The following RARB variants were observed in gnomAD, a reference collection of about 807,000 sequenced individuals.
The protein encoded by RARB is HBV-activated protein.
RARB carries 17 observed loss-of-function variants against 51.9 expected under a neutral mutation model. The ratio of observed to expected loss-of-function variants is 0.33; its 90% CI spans 0.22 to 0.49. The LOEUF is 0.49. RARB is among the 20% of genes least tolerant of loss of function. The pLI is 0.99. For synonymous variants in RARB, 215 were observed against 195.4 expected (o/e 1.10, Z -0.84); for missense variants, 369 against 550.8 (o/e 0.67, Z 3.30).
At chr3:25,179,232 G>T (rs2125356220) in intron 5 of RARB, among the ~76,000 whole-genome samples, 1 of 152,288 alleles carries the variant, frequency 6.6e-6, no homozygotes, top group African/African-American at 2.4e-5. Flanking sequence ...CTTGTCTAAA[G>T]CAGGGTGTGC....
intron 5 of RARB, among the ~76,000 whole-genome samples, chr3:25,216,057 A>T (rs1379813881): frequency 1.3e-5 from 2 of 152,198 alleles, no homozygotes. Context: ...TGCTTGAAGC[A>T]GTCAGAGAGG....
chr3:24,907,954 T>C (rs1375741650), intron 2 of RARB, among the ~76,000 whole-genome samples: 1 of 152,142 alleles, frequency 6.6e-6, no homozygotes, highest in African/African-American at 2.4e-5. Context: ...TTTGGAAATG[T>C]TCCCCCTGCA....
chr3:24,890,513 C>A (rs1020481220), intron 2 of RARB, among the ~76,000 whole-genome samples: 1 of 151,950 alleles, frequency 6.6e-6, no homozygotes, highest in Admixed American at 6.6e-5. Context: ...AGTTGAGAGG[C>A]CAAGGCAGGA....
intron 5 of RARB, among the ~76,000 whole-genome samples, chr3:25,292,015 A>G (rs146765676): frequency 9.9e-5 from 15 of 151,828 alleles, no homozygotes; most frequent in Admixed American, 2.6e-4. Context: ...TGTTTCTAAC[A>G]TGTGAGAAGG....
rs1559349123 is a variant in RARB at position 25,299,760 on chromosome 3, A to AAATAAAT, written c.178+125187_178+125188insTAAATAA. Among the ~76,000 whole-genome samples the AAATAAAT allele has an allele frequency of 1.2e-3, 180 of 150,984 alleles. 2 individuals are homozygous for AAATAAAT. The highest frequency in any genetic ancestry group is 0.01 in the Middle Eastern group (3 of 294). ...TACTAAAAGGTCTGTGGCACCAAAA[A>AAATAAAT]AAATAAATAAATAAATAAATAAGTT... is the stretch of plus-strand genomic sequence containing the variant. On this transcript the variant is annotated intron_variant, in intron 5 of 11. Coordinates refer to the RARB transcript ENST00000383772.
At chr3:25,090,368 A>G (rs969320741) in intron 3 of RARB, among the ~76,000 whole-genome samples, 3 of 152,166 alleles carry the variant, frequency 2.0e-5, no homozygotes, top group South Asian at 2.1e-4. Context: ...CATTTCAAAA[A>G]CAATGTTAAC....
chr3:24,985,644 G>A (rs1046617456), intron 2 of RARB, among the ~76,000 whole-genome samples: 2 of 152,122 alleles, frequency 1.3e-5, no homozygotes, highest in Non-Finnish European at 2.9e-5. Flanking sequence ...TTGCCATTTG[G>A]AAAAAGGGGG....
intron 5 of RARB, among the ~76,000 whole-genome samples, chr3:25,349,578 T>C (rs1021752141): frequency 6.6e-6 from 1 of 152,186 alleles, no homozygotes; most frequent in African/African-American, 2.4e-5. Flanking sequence ...GTATTTTTCC[T>C]GTATTTGAGA....
intron 2 of RARB, among the ~76,000 whole-genome samples, chr3:25,487,917 G>C (rs547355095): frequency 1.3e-5 from 2 of 152,320 alleles, no homozygotes; most frequent in African/African-American, 4.8e-5. Flanking sequence ...ATTAATACAT[G>C]AAGCTTTATA....
intron 1 of RARB, among the ~76,000 whole-genome samples, chr3:25,455,851 G>A (rs1007311059): frequency 6.6e-6 from 1 of 152,222 alleles, no homozygotes. Flanking sequence ...ACAGAACTGA[G>A]TAAGTCCATA....
intron 5 of RARB, among the ~76,000 whole-genome samples, chr3:25,290,226 G>A (rs1703753396): frequency 6.6e-6 from 1 of 152,142 alleles, no homozygotes; most frequent in Non-Finnish European, 1.5e-5. Flanking sequence ...TGGAAATATG[G>A]TCTTTAAAGA....
chr3:24,980,145 C>G (rs12632864), intron 2 of RARB, among the ~76,000 whole-genome samples: 35,163 of 151,986 alleles, frequency 0.23, 4,294 homozygotes, highest in East Asian at 0.38. Context: ...TCTGCTGTTA[C>G]ACTGATGAGC....
chr3:24,962,181 G>A (rs1053063263), intron 2 of RARB, among the ~76,000 whole-genome samples: 5 of 151,440 alleles, frequency 3.3e-5, no homozygotes, highest in East Asian at 3.9e-4. Flanking sequence ...TGCCTGCCTC[G>A]GCCTCCTAAA....
intron 3 of RARB, among the ~76,000 whole-genome samples, chr3:25,082,260 A>G (rs1287715006): frequency 6.6e-6 from 1 of 152,018 alleles, no homozygotes; most frequent in Non-Finnish European, 1.5e-5. Context: ...TATATGTTAT[A>G]TTTATATAAG....
intron 5 of RARB, among the ~76,000 whole-genome samples, chr3:25,220,946 A>G (rs1701934997): frequency 6.6e-6 from 1 of 152,126 alleles, no homozygotes; most frequent in Non-Finnish European, 1.5e-5. Context: ...AGCACTTGCA[A>G]AAGTGTAAAG....
intron 3 of RARB, among the ~76,000 whole-genome samples, chr3:25,084,038 TCA>T (rs893447459): frequency 6.6e-6 from 1 of 152,190 alleles, no homozygotes; most frequent in African/African-American, 2.4e-5. Context: ...CAGAGTTCTC[TCA>T]GTCTCATCCT....
intron 5 of RARB, among the ~76,000 whole-genome samples, chr3:25,332,350 G>A (rs1468978678): frequency 6.6e-6 from 1 of 152,154 alleles, no homozygotes; most frequent in Non-Finnish European, 1.5e-5. Flanking sequence ...CTTCATCCCT[G>A]GGATGCAAGG....
chr3:25,466,105 T>C (rs1301595256), intron 2 of RARB, among the ~76,000 whole-genome samples: 1 of 152,230 alleles, frequency 6.6e-6, no homozygotes, highest in East Asian at 1.9e-4. Context: ...GTTTTTACTA[T>C]GTATAAAGCA....
At chr3:25,215,112 A>C (rs1170347569) in intron 5 of RARB, among the ~76,000 whole-genome samples, 1 of 152,006 alleles carries the variant, frequency 6.6e-6, no homozygotes, top group Non-Finnish European at 1.5e-5. Flanking sequence ...CTTAATCCCA[A>C]CTGTACACGG....
Sources: gnomAD v4.1 joint callset for allele counts (sites outside exome capture counted in the v4.1 genomes callset) on GRCh38, gnomAD v4.1.1 for gene constraint, MANE v1.5 for transcripts, NCBI Gene and HGNC (gene_info 2026-07-23, HGNC 2026-07-21) for gene names.